ROCK2: variants seen among roughly 807,000 people sequenced by gnomAD.
ROCK2 encodes Rho associated coiled-coil containing protein kinase 2.
A neutral mutation model predicts 195.1 loss-of-function variants in ROCK2; 61 were observed. That is an observed-to-expected ratio of 0.31 (90% CI 0.25 to 0.39). The LOEUF (loss-of-function observed/expected upper bound fraction) is 0.39. Ranked by LOEUF, ROCK2 falls within the 10% of genes least tolerant of loss-of-function variation. The pLI is 1.00. For synonymous variants in ROCK2, 504 were observed against 545.5 expected, an observed-to-expected ratio of 0.92 and a Z score of 1.06; for missense variants, 1,109 against 1,637.4, an observed-to-expected ratio of 0.68 and a Z score of 5.57.
Position 11,256,133 on chromosome 2 carries a change from A to C in ROCK2, c.325-6335T>G, listed in dbSNP as rs868613252. The stretch of plus-strand genomic sequence containing the variant: ...TAATAAACATAAATTATAAAAACTG[A>C]TTAAAAAGCAATTATAGTTCACATA... On this transcript the variant is annotated intron_variant, in intron 3 of 32. Transcript: ENST00000315872. Among the ~76,000 whole-genome samples, 156 of 151,174 alleles carry C rather than the reference A, an allele frequency of 1.0e-3. 10 individuals are homozygous for C. Among genetic ancestry groups the C allele is most frequent in the African/African-American group, 3.6e-3 (148 of 40,562 alleles).
At chr2:11,222,250 C>T in intron 7 of ROCK2, 76 bp from the exon 8 acceptor site, 1 of 802,112 alleles carries the variant, frequency 1.2e-6, no homozygotes, top group Admixed American at 2.2e-5. Context: ...AACAGTTTAA[C>T]CAAAATAAAG....
Position 11,327,157 on chromosome 2 carries a change from T to C in ROCK2, c.141+16839A>G, listed in dbSNP as rs1041448310. 1.6e-4 allele frequency among the ~76,000 whole-genome samples: 24 copies of C among 152,250 alleles called. No individual in the cohort carries two copies. In the South Asian group the frequency reaches 1.9e-3, roughly 12 times the overall value. ...GATCCAGAACTTAGGTTTTGCCAGA[T>C]ACATACGATGAAAATTCATGAGGAC... On this transcript the variant is annotated intron_variant, in intron 1 of 32. Transcript: ENST00000315872.
chr2:11,315,217 T>C (rs919151096), intron 1 of ROCK2, among the ~76,000 whole-genome samples: 3 of 152,082 alleles, frequency 2.0e-5, no homozygotes, highest in African/African-American at 7.2e-5. Context: ...TGTACCCTTG[T>C]AATCTATGTT....
In ROCK2 at chr2:11,286,582, A is replaced by G. The variant is rs1423847374; in HGVS notation, c.281T>C (p.Val94Ala). 1 of 1,612,866 alleles carries G rather than the reference A, an allele frequency of 6.2e-7. No homozygotes were observed. Among genetic ancestry groups the G allele is most frequent in the East Asian group, 2.2e-5 (1 of 44,800 alleles). Residue 94 changes from valine to alanine, a missense_variant, in exon 3 of 33, where the codon GTT (valine) becomes GCT (alanine). Physicochemically the swap from Val to Ala is moderately conservative, Grantham distance 64 (BLOSUM62 0). Around this residue, in one of 6 missense-constraint regions of ROCK2, gnomAD observed 253 missense variants for 455.5 expected, o/e 0.56. Transcript: ENST00000315872. ...AGCACCTCTTCCAATAACTTTTACA[A>G]CATCATAGTCTTCTGCCTTCATCTG... ...GLQMKAEDYD[V>A]VKVIGRGAFG... is the part of the protein sequence containing the mutation.
rs948389712 is a variant in ROCK2 at position 11,181,321 on chromosome 2, T to C, written c.*2116A>G. 1.3e-5 allele frequency: 2 copies of C among 151,008 alleles called. No homozygotes were observed. The highest frequency in any genetic ancestry group is 6.6e-5 in the Admixed American group (1 of 15,156). 9.4% of individuals were successfully genotyped at this position (151,008 alleles called of 1,614,324 possible). On this transcript the variant is annotated 3_prime_UTR_variant, in exon 33 of 33. Coordinates refer to ENST00000315872, the MANE Select transcript of ROCK2 (RefSeq NM_004850.5). The stretch of plus-strand genomic sequence containing the variant: ...CTAATGAATGGAAATATTTATTCTA[T>C]ATAAATTTATATATTTTTCATTTTT...
At chr2:11,343,850 T>C in intron 1 of ROCK2, 146 bp downstream of exon 1, 1 of 979,040 alleles carries the variant, frequency 1.0e-6, no homozygotes, top group Non-Finnish European at 1.4e-6. Flanking sequence ...CAGAATCGTT[T>C]GGTCTCCGGC....
chr2:11,248,674 A>T (rs555668177), intron 4 of ROCK2, among the ~76,000 whole-genome samples: 3 of 134,886 alleles, frequency 2.2e-5, no homozygotes, highest in African/African-American at 8.5e-5. Context: ...CCAACACTGC[A>T]CTCCAGCCTG....
At position 11,311,353 on chromosome 2, in the gene ROCK2, A is replaced by G. The variant is rs576865659; in HGVS notation, c.142-23617T>C. Among the ~76,000 whole-genome samples, 67 of 152,282 alleles carry G rather than the reference A, an allele frequency of 4.4e-4. No individual in the cohort carries two copies. The East Asian group carries it at 0.013, about 29-fold the overall frequency. ...GGTGGGTGGAGAAAGAAGTGAACCT[A>G]AAGTTGACTACAAAGTTGCAGCTCT... is the stretch of plus-strand genomic sequence containing the variant. On this transcript the variant is annotated intron_variant, in intron 1 of 32. Coordinates refer to ENST00000315872, the MANE Select transcript of ROCK2 (RefSeq NM_004850.5).
rs1280448114 is a variant in ROCK2 at position 11,215,328 on chromosome 2, T to C, written c.1682A>G (p.Gln561Arg). 1.3e-6 allele frequency: 2 copies of C among 1,594,708 alleles called. No individual in the cohort carries two copies. Among genetic ancestry groups the C allele is most frequent in the Non-Finnish European group, 1.7e-6 (2 of 1,170,810 alleles). ...QISTEKVNQL[Q>R]RQLDETNALL... is the part of the protein sequence containing the mutation. ...CAAATTAGATCCACCTACTTGTCTC[T>C]GGAGTTGATTCACTTTCTCAGTGGA... The change falls in exon 15 of 33, where the codon CAG becomes CGG. Residue 561 changes from glutamine to arginine, a missense_variant. By Grantham distance (43) the Gln-to-Arg change is conservative. Around this residue, in one of 6 missense-constraint regions of ROCK2, gnomAD observed 542 missense variants for 672.0 expected, o/e 0.81. Coordinates refer to ENST00000315872, the MANE Select transcript of ROCK2 (RefSeq NM_004850.5).
chr2:11,258,025 T>C (rs559096569), intron 3 of ROCK2, among the ~76,000 whole-genome samples: 1 of 151,440 alleles, frequency 6.6e-6, no homozygotes, highest in Non-Finnish European at 1.5e-5. Context: ...ACTTCAGTTA[T>C]ATTTTTAAAA....
chr2:11,190,365 TTAAA>T lies in ROCK2; in HGVS notation c.4163+1779_4163+1782del, dbSNP rs869258673. ...TTCACAGGGCAAGGCCAGAAGTTTT[TTAAA>T]AAAAAAAAAAAAAGTAACAAAAATC... On this transcript the variant is annotated intron_variant, in intron 32 of 32. Transcript: ENST00000315872. Among the ~76,000 whole-genome samples the T allele has an allele frequency of 6.5e-3, 937 of 145,080 alleles. 28 individuals carry two copies. Among genetic ancestry groups the T allele is most frequent in the Admixed American group, 0.053 (783 of 14,802 alleles).
At chr2:11,337,791 G>A (rs188081846) in intron 1 of ROCK2, among the ~76,000 whole-genome samples, 2 of 151,912 alleles carry the variant, frequency 1.3e-5, no homozygotes, top group African/African-American at 2.4e-5. Flanking sequence ...GTGCCACCAC[G>A]CCTGGCTAAT....
intron 17 of ROCK2, 79 bp downstream of exon 17, chr2:11,214,278 T>A (rs1422226772): frequency 2.7e-6 from 2 of 746,316 alleles, no homozygotes; most frequent in Admixed American, 2.6e-5. Context: ...GTTAGTGACT[T>A]CCCTTAGTTT....
intron 1 of ROCK2, among the ~76,000 whole-genome samples, chr2:11,289,414 A>G (rs1231469156): frequency 6.6e-6 from 1 of 152,232 alleles, no homozygotes; most frequent in Non-Finnish European, 1.5e-5. Context: ...TAAAATCTGA[A>G]TCATTTATAT....
intron 23 of ROCK2, among the ~76,000 whole-genome samples, chr2:11,199,495 T>A (rs59158460): frequency 0.014 from 1,866 of 130,106 alleles, 32 homozygotes; most frequent in African/African-American, 0.044. Flanking sequence ...ATAAAAAAAA[T>A]TTTTTTTTTT....
At chr2:11,337,787 C>T (rs2148276280) in intron 1 of ROCK2, among the ~76,000 whole-genome samples, 1 of 152,104 alleles carries the variant, frequency 6.6e-6, no homozygotes, top group East Asian at 1.9e-4. Context: ...GTGCGTGCCA[C>T]CACGCCTGGC....
At chr2:11,290,792 G>A (rs1667338580) in intron 1 of ROCK2, among the ~76,000 whole-genome samples, 4 of 152,060 alleles carry the variant, frequency 2.6e-5, no homozygotes, top group Admixed American at 1.3e-4. Context: ...ATCAGTACCC[G>A]GAGTGAAAAT....
chr2:11,264,707 A>G (rs1233837548), intron 3 of ROCK2, among the ~76,000 whole-genome samples: 1 of 152,210 alleles, frequency 6.6e-6, no homozygotes, highest in Non-Finnish European at 1.5e-5. Flanking sequence ...TTACCTTAAG[A>G]AGGCAAATAA....
intron 23 of ROCK2, 108 bp from the exon 24 acceptor site, chr2:11,198,882 TC>T: frequency 4.9e-6 from 3 of 608,122 alleles, no homozygotes; most frequent in South Asian, 2.3e-5. Context: ...CTCTTATTTT[TC>T]TTTTTTTTTT....
Sources: allele counts gnomAD v4.1 joint callset (sites outside exome capture counted in the v4.1 genomes callset), GRCh38; gene constraint gnomAD v4.1.1; regional missense constraint gnomAD v4.1.1; transcripts MANE v1.5; gene names NCBI Gene and HGNC (gene_info 2026-07-23, HGNC 2026-07-21).